Variants in KIAA1217 observed in about 807,000 individuals in gnomAD.
The protein encoded by KIAA1217 is KIAA1217, also known as sickle tail protein homolog.
KIAA1217 carries 88 observed loss-of-function variants against 163.9 expected under a neutral mutation model. That is an observed-to-expected ratio of 0.54 (90% CI 0.45 to 0.64). KIAA1217 has a LOEUF of 0.64. KIAA1217 is among the 30% of genes least tolerant of loss of function. KIAA1217 has a pLI of 0.00. For missense variants in KIAA1217, 2,372 were observed against 2,475.0 expected, an observed-to-expected ratio of 0.96 and a Z score of 0.88; for synonymous variants, 903 against 923.1, an observed-to-expected ratio of 0.98 and a Z score of 0.39.
chr10:24,416,393 A>G (rs906912489), intron 3 of KIAA1217, among the ~76,000 whole-genome samples: 3 of 152,244 alleles, frequency 2.0e-5, no homozygotes, highest in Non-Finnish European at 2.9e-5. Flanking sequence ...TAGAGTGGAC[A>G]GCACAACTTG....
At chr10:23,894,060 T>C (rs910570616) in intron 1 of KIAA1217, among the ~76,000 whole-genome samples, 1 of 151,956 alleles carries the variant, frequency 6.6e-6, no homozygotes, top group African/African-American at 2.4e-5. Context: ...GCTGGAAGCA[T>C]TCCCTTTGAA....
Position 24,199,613 on chromosome 10 carries a change from T to C in KIAA1217, c.-170-20013T>C, listed in dbSNP as rs866659318. ...TCTTTCCCCAAATTCAGCCTACAGT[T>C]GACTGTTTTATGTGCAACCAATGGC... is the stretch of plus-strand genomic sequence containing the variant. On this transcript the variant is annotated intron_variant, in intron 2 of 18. Transcript: ENST00000376462. 5.9e-5 allele frequency among the ~76,000 whole-genome samples: 9 copies of C among 152,350 alleles called. No homozygotes were observed. In the Middle Eastern group the frequency reaches 0.01, roughly 173 times the overall value.
intron 1 of KIAA1217, among the ~76,000 whole-genome samples, chr10:24,216,749 C>T (rs2130794208): frequency 6.7e-6 from 1 of 148,528 alleles, no homozygotes; most frequent in Admixed American, 6.8e-5. Flanking sequence ...ATTGCTCGAA[C>T]TCGGGAGGTA....
intron 2 of KIAA1217, among the ~76,000 whole-genome samples, chr10:24,168,875 C>T (rs1021711799): frequency 2.0e-5 from 3 of 152,206 alleles, no homozygotes; most frequent in Admixed American, 6.5e-5. Context: ...TCTAAAGAGG[C>T]CATTTTTCAT....
At chr10:24,530,027 C>A (rs188374685) in intron 14 of KIAA1217, among the ~76,000 whole-genome samples, 2 of 152,082 alleles carry the variant, frequency 1.3e-5, no homozygotes, top group East Asian at 3.9e-4. Context: ...GAACTCCTGA[C>A]CTCAGGTGAT....
rs1024112921 is a variant in KIAA1217 at position 23,875,616 on chromosome 10, A to T, written c.-320-131609A>T. Reference sequence around the variant, plus strand: ...TTACTGGGGATATACCCAAATGATTATAAATCATTCTACTATAAAGACACA... The same window carrying T: ...TTACTGGGGATATACCCAAATGATTTTAAATCATTCTACTATAAAGACACA... On this transcript the variant is annotated intron_variant, in intron 1 of 18. Transcript: ENST00000376462. Among the ~76,000 whole-genome samples, 35 of 152,076 alleles carry T rather than the reference A, an allele frequency of 2.3e-4. 1 individual carries two copies. Among genetic ancestry groups the T allele is most frequent in the Non-Finnish European group, 1.9e-4 (13 of 67,974 alleles).
chr10:24,215,734 A>C (rs151143803), intron 1 of KIAA1217, among the ~76,000 whole-genome samples: 8 of 152,336 alleles, frequency 5.3e-5, no homozygotes, highest in African/African-American at 1.9e-4. Flanking sequence ...TGTCGAGGAA[A>C]AGGCTCAAGT....
intron 3 of KIAA1217, among the ~76,000 whole-genome samples, chr10:24,425,121 C>T (rs2059075851): frequency 6.6e-6 from 1 of 152,150 alleles, no homozygotes; most frequent in Non-Finnish European, 1.5e-5. Context: ...AGTAGGATTC[C>T]TAACTGGCCA....
At chr10:23,753,863 T>C (rs1339486555) in intron 1 of KIAA1217, among the ~76,000 whole-genome samples, 1 of 152,242 alleles carries the variant, frequency 6.6e-6, no homozygotes, top group Non-Finnish European at 1.5e-5. Flanking sequence ...CTTAAAACTT[T>C]GATTCTCGCT....
intron 2 of KIAA1217, among the ~76,000 whole-genome samples, chr10:24,168,033 G>A (rs556133913): frequency 6.6e-6 from 1 of 152,208 alleles, no homozygotes; most frequent in East Asian, 1.9e-4. Flanking sequence ...TTTTGCACTG[G>A]GGGTTAGGTT....
At chr10:23,712,121 C>A (rs952336957) in intron 1 of KIAA1217, among the ~76,000 whole-genome samples, 13 of 152,062 alleles carry the variant, frequency 8.5e-5, no homozygotes, top group Admixed American at 2.6e-4. Flanking sequence ...TAGGCTTCAC[C>A]CCTCTAAAAG....
chr10:24,197,600 G>A (rs1304546313), intron 2 of KIAA1217, among the ~76,000 whole-genome samples: 2 of 152,222 alleles, frequency 1.3e-5, no homozygotes, highest in East Asian at 3.8e-4. Flanking sequence ...ACTACCCTAT[G>A]TGCAATTTAA....
chr10:24,151,802 A>G (rs1203692011), intron 2 of KIAA1217, among the ~76,000 whole-genome samples: 2 of 151,916 alleles, frequency 1.3e-5, no homozygotes, highest in East Asian at 3.9e-4. Context: ...GATTTAACCA[A>G]TCCTCTCATT....
chr10:24,127,440 C>A (rs2063507075), intron 2 of KIAA1217, among the ~76,000 whole-genome samples: 1 of 152,116 alleles, frequency 6.6e-6, no homozygotes, highest in African/African-American at 2.4e-5. Context: ...CTAGAAGAGA[C>A]TTTTTAAAAG....
intron 2 of KIAA1217, among the ~76,000 whole-genome samples, chr10:24,322,899 T>C (rs2044360864): frequency 6.6e-6 from 1 of 152,160 alleles, no homozygotes; most frequent in African/African-American, 2.4e-5. Flanking sequence ...TTTGATAGAG[T>C]GATTTGATAA....
At chr10:24,369,219 T>TGTGTGTGTG (rs2051227773) in intron 2 of KIAA1217, among the ~76,000 whole-genome samples, 1 of 65,344 alleles carries the variant, frequency 1.5e-5, no homozygotes, top group Non-Finnish European at 2.9e-5. Context: ...GTGTGTGTGT[T>TGTGTGTGTG]TTCATTTGAA....
At chr10:23,778,186 C>CG (rs1564411517) in intron 1 of KIAA1217, among the ~76,000 whole-genome samples, 1 of 152,126 alleles carries the variant, frequency 6.6e-6, no homozygotes, top group African/African-American at 2.4e-5. Context: ...TGATTCCCCC[C>CG]CCTTCGGCCT....
At position 24,533,082 on chromosome 10, in the gene KIAA1217, G is replaced by T; in HGVS notation, c.3259G>T (p.Asp1087Tyr). Residue 1087 changes from aspartate to tyrosine, a missense_variant, in exon 16 of 21, where the codon GAT (aspartate) becomes TAT (tyrosine). Physicochemically the swap from Asp to Tyr is radical, Grantham distance 160. Around this residue, in one of 3 missense-constraint regions of KIAA1217, gnomAD observed 1,431 missense variants for 1,470.3 expected, o/e 0.97. Coordinates refer to ENST00000376454, the MANE Select transcript of KIAA1217 (RefSeq NM_019590.5). ...CAATCTCCCACAGGCAAGCAGTGAA[G>T]ATGCTGGACCAAGCCCACAGACCAG... ...ENITAKASSE[D>Y]AGPSPQTRAT... 1 of 1,609,816 alleles carries T rather than the reference G, an allele frequency of 6.2e-7. No individual in the cohort carries two copies. The highest frequency in any genetic ancestry group is 8.5e-7 in the Non-Finnish European group (1 of 1,177,390).
At chr10:24,473,185 C>T (rs1257502673) in intron 5 of KIAA1217, 43 bp from the exon 6 acceptor site, 16 of 1,373,606 alleles carry the variant, frequency 1.2e-5, no homozygotes, top group Admixed American at 1.1e-4. Flanking sequence ...TCTTGAAACA[C>T]GAATATCAAA....
Sources: allele counts gnomAD v4.1 joint callset (sites outside exome capture counted in the v4.1 genomes callset), GRCh38; gene constraint gnomAD v4.1.1; regional missense constraint gnomAD v4.1.1; transcripts MANE v1.5; gene names NCBI Gene and HGNC (gene_info 2026-07-23, HGNC 2026-07-21).